Variants in CD274 observed in about 807,000 individuals in gnomAD.
The protein encoded by CD274 is programmed cell death 1 ligand 1.
A neutral mutation model predicts 30.1 loss-of-function variants in CD274; 8 were observed. The observed-to-expected ratio is 0.27, with a 90% CI of 0.16 to 0.48. The LOEUF (loss-of-function observed/expected upper bound fraction) is 0.48, where lower values mean the gene tolerates loss of function less well. CD274 is among the 20% of genes least tolerant of loss of function. The pLI is 0.99. For missense variants in CD274, 353 were observed against 346.6 expected, an observed-to-expected ratio of 1.02 and a Z score of -0.15; for synonymous variants, 152 against 124.6, an observed-to-expected ratio of 1.22 and a Z score of -1.46.
chr9:5,451,944 G>A (rs964216754), intron 1 of CD274, among the ~76,000 whole-genome samples: 3 of 151,740 alleles, frequency 2.0e-5, no homozygotes, highest in Non-Finnish European at 4.4e-5. Flanking sequence ...GGCTCCAGAA[G>A]TCCTGGGATT....
intron 3 of CD274, among the ~76,000 whole-genome samples, chr9:5,462,295 T>C (rs1170283079): frequency 6.6e-6 from 1 of 152,120 alleles, no homozygotes; most frequent in Non-Finnish European, 1.5e-5. Context: ...AAAGAAAGCA[T>C]ACCAGCTGGA....
In CD274 at chr9:5,468,067, G is replaced by A. The variant is rs1001314041; in HGVS notation, c.*205G>A. On this transcript the variant is annotated 3_prime_UTR_variant, in exon 7 of 7. Transcript: ENST00000381577. ...GATGGAGTCAAACAGGGAGCCTGGA[G>A]GGAGACCTTGATACTTTCAAATGCC... The A allele has an allele frequency of 1.2e-5, 7 of 596,710 alleles. No homozygotes were observed. The highest frequency in any genetic ancestry group is 2.1e-5 in the Non-Finnish European group (7 of 333,094). The allele number at this position is 596,710 out of a possible 1,614,324, so 37.0% of individuals were successfully genotyped here. A position where few individuals can be genotyped will look rare whatever the true frequency, so the allele number is the denominator to read the frequency against.
chr9:5,462,745 T>C, intron 3 of CD274, 89 bp from the exon 4 acceptor site: 4 of 1,260,186 alleles, frequency 3.2e-6, no homozygotes, highest in Non-Finnish European at 4.5e-6. Context: ...CAGCCTGCAT[T>C]GATACTCTTT....
chr9:5,462,288 G>T (rs925290432), intron 3 of CD274, among the ~76,000 whole-genome samples: 3 of 152,180 alleles, frequency 2.0e-5, no homozygotes, highest in Non-Finnish European at 2.9e-5. Context: ...TCTAAGAAAA[G>T]AAAGCATACC....
intron 2 of CD274, 22 bp downstream of exon 2, chr9:5,456,187 T>G (rs758174069): frequency 6.7e-7 from 1 of 1,501,240 alleles, no homozygotes; most frequent in Non-Finnish European, 9.3e-7. Flanking sequence ...AATCCTTCCA[T>G]TAGGTTCTAT....
At chr9:5,451,782 A>C (rs1362799305) in intron 1 of CD274, among the ~76,000 whole-genome samples, 1 of 152,164 alleles carries the variant, frequency 6.6e-6, no homozygotes, top group African/African-American at 2.4e-5. Flanking sequence ...AGTTTAATAA[A>C]GTTTGGTCAC....
intron 4 of CD274, 71 bp downstream of exon 4, chr9:5,463,192 A>G (rs977683132): frequency 2.2e-5 from 25 of 1,143,332 alleles, no homozygotes; most frequent in Middle Eastern, 4.0e-4. Flanking sequence ...ATGTCTGCCT[A>G]TCATAGTCAT....
At chr9:5,457,474 T>C (rs1364895444) in intron 3 of CD274, 54 bp downstream of exon 3, 9 of 1,419,540 alleles carry the variant, frequency 6.3e-6, no homozygotes, top group Non-Finnish European at 8.8e-6. Flanking sequence ...ATATTCCAAG[T>C]GTTGAAGACT....
In CD274 at chr9:5,470,328, A is replaced by C. The variant is rs1471894982; in HGVS notation, c.*2466A>C. The C allele has an allele frequency of 8.6e-6, 2 of 232,500 alleles. No homozygotes were observed. Among genetic ancestry groups the C allele is most frequent in the African/African-American group, 4.4e-5 (2 of 45,306 alleles). 14.4% of individuals were successfully genotyped at this position (232,500 alleles called of 1,614,324 possible). A position where few individuals can be genotyped will look rare whatever the true frequency, so the allele number is the denominator to read the frequency against. ...TCTACTCAGTCTATTCCTAAGTCCT[A>C]ACTCCTCCTTGTGGTGTTGGATTTG... On this transcript the variant is annotated 3_prime_UTR_variant, in exon 7 of 7. Transcript: ENST00000381577.
At chr9:5,453,846 G>A (rs531841733) in intron 1 of CD274, among the ~76,000 whole-genome samples, 1 of 152,274 alleles carries the variant, frequency 6.6e-6, no homozygotes, top group Admixed American at 6.5e-5. Flanking sequence ...GCACTGCAGG[G>A]TGTTTGGCAG....
chr9:5,462,772 C>A (rs2131222417), intron 3 of CD274, 62 bp from the exon 4 acceptor site: 1 of 1,461,144 alleles, frequency 6.8e-7, no homozygotes, highest in Non-Finnish European at 9.4e-7. Flanking sequence ...TGGACAGCAT[C>A]AAGCTATGTA....
chr9:5,459,498 T>C (rs1402960347), intron 3 of CD274, among the ~76,000 whole-genome samples: 3 of 152,234 alleles, frequency 2.0e-5, no homozygotes, highest in Non-Finnish European at 4.4e-5. Context: ...TTCACAGTAA[T>C]GCTGTTGAAC....
chr9:5,461,658 T>G (rs1005743763), intron 3 of CD274, among the ~76,000 whole-genome samples: 3 of 152,082 alleles, frequency 2.0e-5, no homozygotes, highest in Non-Finnish European at 4.4e-5. Context: ...AAAAAGATTA[T>G]ACCAACAAAA....
intron 5 of CD274, among the ~76,000 whole-genome samples, chr9:5,466,079 C>T (rs1346934665): frequency 6.6e-6 from 1 of 152,234 alleles, no homozygotes; most frequent in African/African-American, 2.4e-5. Flanking sequence ...CCTGTGGGAA[C>T]AATTAAAATC....
chr9:5,467,593 AAGCTAAGT>A (rs1169573280), intron 6 of CD274, among the ~76,000 whole-genome samples: 1 of 152,142 alleles, frequency 6.6e-6, no homozygotes, highest in African/African-American at 2.4e-5. Flanking sequence ...CTGTGTTGTA[AAGCTAAGT>A]AGCAAATGTT....
In CD274 at chr9:5,468,109, G is replaced by A. The variant is rs902394487; in HGVS notation, c.*247G>A. 3.1e-5 allele frequency: 16 copies of A among 521,620 alleles called. No homozygotes were observed. The highest frequency in any genetic ancestry group is 1.5e-4 in the African/African-American group (8 of 52,140). 32.3% of individuals were successfully genotyped at this position (521,620 alleles called of 1,614,324 possible). On this transcript the variant is annotated 3_prime_UTR_variant, in exon 7 of 7. Transcript: ENST00000381577. ...TCAAATGCCTGAGGGGCTCATCGAC[G>A]CCTGTGACAGGGAGAAAGGATACTT...
rs1013874454 is a variant in CD274 at position 5,467,867 on chromosome 9, G to C, written c.*5G>C. On this transcript the variant is annotated 3_prime_UTR_variant, in exon 7 of 7. Coordinates refer to ENST00000381577, the MANE Select transcript of CD274 (RefSeq NM_014143.4). ...ACACATTTGGAGGAGACGTAATCCA[G>C]CATTGGAACTTCTGATCTTCAAGCA... 1 of 1,608,492 alleles carries C rather than the reference G, an allele frequency of 6.2e-7. No individual in the cohort carries two copies. Among genetic ancestry groups the C allele is most frequent in the African/African-American group, 1.3e-5 (1 of 74,882 alleles).
chr9:5,470,179 A>G lies in CD274; in HGVS notation c.*2317A>G, dbSNP rs1391698571. The G allele has an allele frequency of 1.7e-5, 4 of 232,894 alleles. No individual in the cohort carries two copies. Among genetic ancestry groups the G allele is most frequent in the Non-Finnish European group, 3.4e-5 (4 of 117,874 alleles). 14.4% of individuals were successfully genotyped at this position (232,894 alleles called of 1,614,324 possible). On this transcript the variant is annotated 3_prime_UTR_variant, in exon 7 of 7. Transcript: ENST00000381577. ...CTTTGCCACATGTCAAGGCTGAAGA[A>G]ACAGTGTCTCCAACAGAGCTCCTTG...
chr9:5,456,999 G>T, intron 2 of CD274, 80 bp from the exon 3 acceptor site: 1 of 924,038 alleles, frequency 1.1e-6, no homozygotes, highest in East Asian at 2.4e-5. Context: ...CAGATAAAGT[G>T]ATTTATAAAC....
Sources: allele counts gnomAD v4.1 joint callset (sites outside exome capture counted in the v4.1 genomes callset), GRCh38; gene constraint gnomAD v4.1.1; transcripts MANE v1.5; gene names NCBI Gene and HGNC (gene_info 2026-07-23, HGNC 2026-07-21).